XYLT1: variants seen among roughly 807,000 people sequenced by gnomAD.
XYLT1 encodes xylosyltransferase 1.
Under a neutral mutation model 91.3 loss-of-function variants are expected in XYLT1, and 36 were observed. The ratio of observed to expected loss-of-function variants is 0.39; its 90% confidence interval spans 0.30 to 0.52. XYLT1 has a LOEUF of 0.52. Among genes scored for constraint, XYLT1 ranks in the 20% least tolerant of loss-of-function variants. The probability of loss-of-function intolerance (pLI) is 0.68; values close to 1 mark genes in which losing one functional copy is unlikely to be tolerated. For synonymous variants in XYLT1, 588 were observed against 532.0 expected, an observed-to-expected ratio of 1.11 and a Z score of -1.45; for missense variants, 1,242 against 1,284.5, an observed-to-expected ratio of 0.97 and a Z score of 0.51.
rs538862970 is a variant in XYLT1, at chr16:17,176,221, T to A, written c.1290-17312A>T. Among the ~76,000 whole-genome samples the A allele has an allele frequency of 1.3e-3, 203 of 152,262 alleles. 1 individual carries two copies. The highest frequency in any genetic ancestry group is 4.8e-3 in the African/African-American group (198 of 41,558). Reference sequence around the variant, plus strand: ...TATGTGCCAGGCACTGTACCAGGAATAAGACACAGTGGTGAGCAAAACAGA... The same window carrying A: ...TATGTGCCAGGCACTGTACCAGGAAAAAGACACAGTGGTGAGCAAAACAGA... On this transcript the variant is annotated intron_variant, in intron 5 of 11. Transcript: ENST00000261381.
intron 1 of XYLT1, among the ~76,000 whole-genome samples, chr16:17,414,457 A>G (rs1220560206): frequency 6.6e-6 from 1 of 152,090 alleles, no homozygotes; most frequent in Non-Finnish European, 1.5e-5. Context: ...TAGCCTCTGG[A>G]GTGGCTGGGA....
At chr16:17,395,252 C>T (rs2035869663) in intron 1 of XYLT1, among the ~76,000 whole-genome samples, 1 of 152,188 alleles carries the variant, frequency 6.6e-6, no homozygotes, top group Non-Finnish European at 1.5e-5. Flanking sequence ...AATCACCTCC[C>T]ACCAAGTCCC....
At chr16:17,194,437 C>A (rs1316762357) in intron 5 of XYLT1, among the ~76,000 whole-genome samples, 1 of 152,182 alleles carries the variant, frequency 6.6e-6, no homozygotes, top group South Asian at 2.1e-4. Context: ...GGGCTTAATG[C>A]GGGCCCCCAA....
chr16:17,361,255 AAGG>A (rs141339153), intron 1 of XYLT1, among the ~76,000 whole-genome samples: 1,758 of 152,322 alleles, frequency 0.012, 30 homozygotes, highest in African/African-American at 0.04. Context: ...TTGCTGGTCC[AAGG>A]AGGATGCCAG....
intron 2 of XYLT1, among the ~76,000 whole-genome samples, chr16:17,333,580 TAATTTA>T (rs1455911689): frequency 7.5e-6 from 1 of 133,666 alleles, no homozygotes; most frequent in Non-Finnish European, 1.5e-5. Flanking sequence ...ATTAATTAAT[TAATTTA>T]ATTTATTTTT....
intron 2 of XYLT1, among the ~76,000 whole-genome samples, chr16:17,270,382 C>T (rs767543935): frequency 8.5e-5 from 13 of 152,224 alleles, no homozygotes; most frequent in Non-Finnish European, 1.2e-4. Flanking sequence ...CTCCCCTCTT[C>T]CCAACCCCAC....
chr16:17,178,504 G>C (rs935576798), intron 5 of XYLT1, among the ~76,000 whole-genome samples: 4 of 152,184 alleles, frequency 2.6e-5, no homozygotes, highest in African/African-American at 7.2e-5. Flanking sequence ...AGGAAGATGG[G>C]TGAGTGGGTT....
At chr16:17,385,705 G>A (rs7203097) in intron 1 of XYLT1, among the ~76,000 whole-genome samples, 45,775 of 151,616 alleles carry the variant, frequency 0.3, 7,575 homozygotes, top group Non-Finnish European at 0.37. Context: ...CCATGCATTT[G>A]GTCAATAGAG....
At chr16:17,149,683 AAGTCAC>A (rs2031235374) in intron 6 of XYLT1, among the ~76,000 whole-genome samples, 1 of 152,230 alleles carries the variant, frequency 6.6e-6, no homozygotes, top group African/African-American at 2.4e-5. Flanking sequence ...TACTGGCACA[AAGTCAC>A]AGCTAAATAT....
intron 3 of XYLT1, among the ~76,000 whole-genome samples, chr16:17,248,043 C>T (rs1166536305): frequency 6.6e-6 from 1 of 152,174 alleles, no homozygotes; most frequent in Non-Finnish European, 1.5e-5. Context: ...GGCTGTGTCC[C>T]CACCCAAATC....
At chr16:17,456,769 A>G (rs562290190) in intron 1 of XYLT1, among the ~76,000 whole-genome samples, 15 of 152,176 alleles carry the variant, frequency 9.9e-5, no homozygotes, top group African/African-American at 3.6e-4. Context: ...TTGAAATTCC[A>G]AGTCTTCTCT....
intron 2 of XYLT1, among the ~76,000 whole-genome samples, chr16:17,324,079 C>CT (rs1362024293): frequency 6.6e-6 from 1 of 152,116 alleles, no homozygotes. Flanking sequence ...CAGCTCAGGT[C>CT]CCATGCACAC....
intron 3 of XYLT1, among the ~76,000 whole-genome samples, chr16:17,202,694 G>A (rs768695716): frequency 6.6e-5 from 10 of 152,026 alleles, no homozygotes; most frequent in Non-Finnish European, 1.3e-4. Flanking sequence ...TCACCTCACC[G>A]GATTTCAACT....
rs1207334082 is a variant in XYLT1, at chr16:17,470,612, G to A, written c.185C>T (p.Ala62Val). Residue 62 changes from alanine (A) to valine (V), a missense_variant, in exon 1 of 12, where the codon GCC (alanine) becomes GTC (valine). Physicochemically the swap from Ala to Val is moderately conservative, Grantham distance 64 (BLOSUM62 0). Around this residue, in one of 3 missense-constraint regions of XYLT1, gnomAD observed 437 missense variants for 411.5 expected, o/e 1.06. Coordinates refer to ENST00000261381, the MANE Select transcript of XYLT1 (RefSeq NM_022166.4). ...GGGEQPPPAP[A>V]PRRERRDLPA... ...CAGGTCCCGGCGCTCCCGGCGCGGG[G>A]CCGGGGCCGGGGGCGGCTGCTCCCC... The A allele has an allele frequency of 2.7e-6, 3 of 1,130,888 alleles. No homozygotes were observed. Among genetic ancestry groups the A allele is most frequent in the Non-Finnish European group, 3.2e-6 (3 of 926,486 alleles). 70.1% of individuals were successfully genotyped at this position (1,130,888 alleles called of 1,614,324 possible). A position where few individuals can be genotyped will look rare whatever the true frequency, so the allele number is the denominator to read the frequency against.
rs1171677659 is a variant in XYLT1, at chr16:17,141,389, C to T, written c.1371-20G>A. ...ATGAACCTGGGAGGGAGAAAGCTGC[C>T]CTTAGCCCAGAGGTGTCCTGAAAGA... On this transcript the variant is annotated intron_variant, in intron 6 of 11. Coordinates refer to ENST00000261381, the MANE Select transcript of XYLT1 (RefSeq NM_022166.4). 6.2e-7 allele frequency: 1 copy of T among 1,611,426 alleles called. No individual in the cohort carries two copies. The highest frequency in any genetic ancestry group is 1.3e-5 in the African/African-American group (1 of 74,894).
At chr16:17,203,838 G>A (rs2032588372) in intron 3 of XYLT1, among the ~76,000 whole-genome samples, 1 of 152,164 alleles carries the variant, frequency 6.6e-6, no homozygotes, top group Non-Finnish European at 1.5e-5. Context: ...AGGTGTATGG[G>A]GCCTTTGAGA....
At position 17,448,686 on chromosome 16, in the gene XYLT1, G is replaced by GGAGGGGGGAGGAGGAA. The variant is rs112948831; in HGVS notation, c.363+21732_363+21747dup. On this transcript the variant is annotated intron_variant, in intron 1 of 11. Coordinates refer to ENST00000261381, the MANE Select transcript of XYLT1 (RefSeq NM_022166.4). ...ATGGAAGATGAGGGTGAGGGGAGGT[G>GGAGGGGGGAGGAGGAA]GAGGGGGGAGGAGGAAGAGGGGGGA... 2.9e-5 allele frequency among the ~76,000 whole-genome samples: 4 copies of GGAGGGGGGAGGAGGAA among 136,722 alleles called. No individual in the cohort carries two copies. In the East Asian group the frequency reaches 6.6e-4, roughly 22 times the overall value. The allele number at this position is 136,722 out of a possible 152,430, so 89.7% of individuals were successfully genotyped here. A position where few individuals can be genotyped will look rare whatever the true frequency, so the allele number is the denominator to read the frequency against.
At chr16:17,439,444 C>T (rs1220826932) in intron 1 of XYLT1, among the ~76,000 whole-genome samples, 2 of 152,180 alleles carry the variant, frequency 1.3e-5, no homozygotes, top group Non-Finnish European at 1.5e-5. Context: ...AAATTACAGT[C>T]ATCCTTCCAA....
intron 1 of XYLT1, among the ~76,000 whole-genome samples, chr16:17,410,799 T>C (rs2036098522): frequency 2.6e-5 from 4 of 152,104 alleles, no homozygotes; most frequent in African/African-American, 4.8e-5. Context: ...TATATCAGCA[T>C]GCCCGGCTAA....
Sources: allele counts gnomAD v4.1 joint callset (sites outside exome capture counted in the v4.1 genomes callset), GRCh38; gene constraint gnomAD v4.1.1; regional missense constraint gnomAD v4.1.1; transcripts MANE v1.5; gene names NCBI Gene and HGNC (gene_info 2026-07-23, HGNC 2026-07-21).